RAB38: variants seen among roughly 807,000 people sequenced by gnomAD.
RAB38 encodes the protein ras-related protein Rab-38.
In RAB38, 15 loss-of-function variants were observed where a neutral mutation model predicts 18.4. The observed-to-expected ratio is 0.82, with a 90% CI of 0.55 to 1.26. RAB38 has a LOEUF of 1.26. Among genes scored for constraint, RAB38 ranks in the 50% most tolerant of loss-of-function variants. The pLI, the probability that RAB38 is intolerant of heterozygous loss-of-function variation, is 0.00. For synonymous variants in RAB38, 101 were observed against 104.4 expected (o/e 0.97, Z 0.20); for missense variants, 294 against 267.4 (o/e 1.10, Z -0.69).
chr11:87,947,430 T>G, the RAB38 span, among the ~76,000 whole-genome samples: 1 of 152,352 alleles, frequency 6.6e-6, no homozygotes, highest in East Asian at 1.9e-4. Context: ...TGGTTGCCAT[T>G]GCTTTTGGTG....
At chr11:87,957,019 C>G in the RAB38 span, among the ~76,000 whole-genome samples, 1 of 151,748 alleles carries the variant, frequency 6.6e-6, no homozygotes, top group African/African-American at 2.4e-5. Flanking sequence ...TCCGAACGCT[C>G]TCATGTCACA....
intron 2 of RAB38, among the ~76,000 whole-genome samples, chr11:88,131,220 T>G (rs570020891): frequency 6.6e-6 from 1 of 152,286 alleles, no homozygotes; most frequent in Non-Finnish European, 1.5e-5. Flanking sequence ...TAGAAATCCT[T>G]ATAGTACATT....
At chr11:87,968,130 A>T in the RAB38 span, among the ~76,000 whole-genome samples, 1 of 152,248 alleles carries the variant, frequency 6.6e-6, no homozygotes. Context: ...GAGAGATGTT[A>T]TTTATTGTAC....
chr11:87,844,847 C>T, the RAB38 span, among the ~76,000 whole-genome samples: 1 of 152,112 alleles, frequency 6.6e-6, no homozygotes, highest in Non-Finnish European at 1.5e-5. Flanking sequence ...TACAGGCCTA[C>T]AAGACTGAAC....
chr11:88,108,434 T>C (rs543950974), downstream of RAB38, among the ~76,000 whole-genome samples: 18 of 152,352 alleles, frequency 1.2e-4, no homozygotes, highest in African/African-American at 3.6e-4. Context: ...GACACTAGGA[T>C]TGCAACCCGG....
At chr11:88,161,093 T>C (rs1360261724) in intron 1 of RAB38, among the ~76,000 whole-genome samples, 6 of 152,122 alleles carry the variant, frequency 3.9e-5, no homozygotes, top group South Asian at 2.1e-4. Flanking sequence ...GTGACTCTTA[T>C]ATGCCCAAGA....
the RAB38 span, among the ~76,000 whole-genome samples, chr11:88,005,627 G>C: frequency 6.7e-6 from 1 of 148,306 alleles, no homozygotes; most frequent in Non-Finnish European, 1.5e-5. Flanking sequence ...GTCTGTATTT[G>C]CTTTTCTTGC....
chr11:88,137,333 T>C (rs977320920), intron 2 of RAB38, among the ~76,000 whole-genome samples: 2 of 152,120 alleles, frequency 1.3e-5, no homozygotes, highest in Non-Finnish European at 2.9e-5. Flanking sequence ...AAATAGATAA[T>C]GCAAAAATCA....
intron 2 of RAB38, among the ~76,000 whole-genome samples, chr11:88,135,349 TTTTGTCC>T (rs1424764990): frequency 6.6e-6 from 1 of 152,194 alleles, no homozygotes; most frequent in Non-Finnish European, 1.5e-5. Context: ...ATTTTATCTA[TTTTGTCC>T]ACTGGTATAG....
At chr11:87,864,546 T>A in the RAB38 span, among the ~76,000 whole-genome samples, 4 of 151,212 alleles carry the variant, frequency 2.6e-5, no homozygotes, top group Non-Finnish European at 5.9e-5. Context: ...ATCATGGTTT[T>A]CAGGTATAAT....
chr11:87,946,497 C>A, the RAB38 span, among the ~76,000 whole-genome samples: 1 of 152,036 alleles, frequency 6.6e-6, no homozygotes, highest in East Asian at 1.9e-4. Flanking sequence ...CCATTAACTC[C>A]TCATTTAGCA....
At chr11:87,955,839 T>C in the RAB38 span, among the ~76,000 whole-genome samples, 2 of 150,000 alleles carry the variant, frequency 1.3e-5, no homozygotes, top group East Asian at 3.9e-4. Context: ...CATTAGTGAG[T>C]GATAAAATCA....
intron 2 of RAB38, among the ~76,000 whole-genome samples, chr11:88,146,416 T>C (rs1345041357): frequency 1.3e-5 from 2 of 152,168 alleles, no homozygotes; most frequent in East Asian, 3.9e-4. Flanking sequence ...CATTATGTCG[T>C]CACTCAAAAG....
the RAB38 span, among the ~76,000 whole-genome samples, chr11:87,805,141 A>C: frequency 2.0e-5 from 3 of 152,208 alleles, no homozygotes; most frequent in Non-Finnish European, 4.4e-5. Context: ...TGGTGTTAAA[A>C]GGGTAGTACA....
At chr11:88,134,489 C>A (rs1942808504) in intron 2 of RAB38, among the ~76,000 whole-genome samples, 1 of 152,182 alleles carries the variant, frequency 6.6e-6, no homozygotes, top group Non-Finnish European at 1.5e-5. Flanking sequence ...TGATTCCCCT[C>A]ACCTCGGCCT....
chr11:87,881,024 G>A, the RAB38 span, among the ~76,000 whole-genome samples: 1 of 151,870 alleles, frequency 6.6e-6, no homozygotes, highest in South Asian at 2.1e-4. Context: ...CTGTCACCCA[G>A]GCTGAAGTGA....
the RAB38 span, among the ~76,000 whole-genome samples, chr11:87,820,624 T>G: frequency 4.0e-3 from 607 of 152,218 alleles, 4 homozygotes; most frequent in African/African-American, 0.014. Flanking sequence ...TGCATGAAAC[T>G]CTAAGGAAAA....
intron 1 of RAB38, among the ~76,000 whole-genome samples, chr11:88,152,562 A>G (rs899435682): frequency 2.0e-5 from 3 of 152,230 alleles, no homozygotes; most frequent in Admixed American, 1.3e-4. Context: ...TGGAAAGTTT[A>G]TATTTTTGGC....
At chr11:88,078,158 G>A in the RAB38 span, among the ~76,000 whole-genome samples, 3 of 151,924 alleles carry the variant, frequency 2.0e-5, no homozygotes, top group Non-Finnish European at 2.9e-5. Flanking sequence ...TCAAAAAGAT[G>A]AGATAAAGAT....
Sources: gnomAD v4.1 joint callset for allele counts (sites outside exome capture counted in the v4.1 genomes callset) on GRCh38, gnomAD v4.1.1 for gene constraint, MANE v1.5 for transcripts, NCBI Gene and HGNC (gene_info 2026-07-23, HGNC 2026-07-21) for gene names.